FAM13A: variants seen among roughly 807,000 people sequenced by gnomAD.
The protein encoded by FAM13A is protein FAM13A.
FAM13A carries 76 observed loss-of-function variants against 129.6 expected under a neutral mutation model. The observed-to-expected ratio is 0.59, with a 90% CI of 0.49 to 0.71. The LOEUF is 0.71. Ranked by LOEUF, FAM13A falls within the 30% of genes least tolerant of loss-of-function variation. The pLI is 0.00. For synonymous variants in FAM13A, 443 were observed against 449.9 expected (o/e 0.98, Z 0.20); for missense variants, 1,108 against 1,249.3 (o/e 0.89, Z 1.70).
chr4:88,757,267 T>C (rs1743858861), intron 14 of FAM13A, among the ~76,000 whole-genome samples: 1 of 152,066 alleles, frequency 6.6e-6, no homozygotes, highest in Non-Finnish European at 1.5e-5. Flanking sequence ...ACAAACTGAG[T>C]CCATTTCAGG....
intron 1 of FAM13A, among the ~76,000 whole-genome samples, chr4:89,031,784 A>C (rs1476513206): frequency 6.6e-6 from 1 of 152,220 alleles, no homozygotes; most frequent in Non-Finnish European, 1.5e-5. Context: ...TATTCTCCAT[A>C]CATCTCTAAT....
chr4:88,997,794 C>T (rs1187361994), intron 3 of FAM13A, among the ~76,000 whole-genome samples: 1 of 152,140 alleles, frequency 6.6e-6, no homozygotes, highest in African/African-American at 2.4e-5. Flanking sequence ...ATGAGAAGGT[C>T]AACCATTAAG....
Position 88,732,015 on chromosome 4 carries a change from G to T in FAM13A, c.2830C>A (p.His944Asn). The change falls in exon 22 of 24, where the codon CAT becomes AAT. Residue 944 changes from histidine to asparagine, a missense_variant. This residue lies in a region of FAM13A where 529 missense variants were observed against 621.2 expected (regional missense o/e 0.85). Coordinates refer to ENST00000264344, the MANE Select transcript of FAM13A (RefSeq NM_014883.4). The part of the protein sequence containing the change: ...CSQDTGLSNL[H>N]AASIPELLEH... ...AAAATGACATACATTGAGGCAGCAT[G>T]GAGATTTGAAAGCCCTGTGTCCTGG... The T allele has an allele frequency of 6.2e-7, 1 of 1,611,158 alleles. No individual in the cohort carries two copies.
intron 1 of FAM13A, among the ~76,000 whole-genome samples, chr4:89,033,606 A>G (rs1227311982): frequency 6.6e-6 from 1 of 152,230 alleles, no homozygotes; most frequent in African/African-American, 2.4e-5. Flanking sequence ...AGTTATTTAC[A>G]TGTTTCATGG....
At chr4:88,893,291 C>G (rs1579153366) in intron 6 of FAM13A, among the ~76,000 whole-genome samples, 2 of 152,102 alleles carry the variant, frequency 1.3e-5, no homozygotes, top group Admixed American at 1.3e-4. Flanking sequence ...CACAAAGAAA[C>G]GAAAAGGTCC....
intron 11 of FAM13A, among the ~76,000 whole-genome samples, chr4:88,780,162 A>G (rs1722573235): frequency 6.6e-6 from 1 of 152,160 alleles, no homozygotes; most frequent in African/African-American, 2.4e-5. Flanking sequence ...TACTTCCAGA[A>G]ACAATGCATT....
intron 6 of FAM13A, among the ~76,000 whole-genome samples, chr4:88,873,696 G>A (rs1237257592): frequency 6.6e-5 from 10 of 152,060 alleles, no homozygotes; most frequent in Non-Finnish European, 1.0e-4. Context: ...ATTCACAGCC[G>A]AATTCTTCCA....
chr4:88,787,902 TA>T lies in FAM13A; in HGVS notation c.1121del (p.Val374GlufsTer71). On this transcript the variant is annotated frameshift_variant, in exon 10 of 24. Coordinates refer to ENST00000264344, the MANE Select transcript of FAM13A (RefSeq NM_014883.4). LOFTEE classifies it high-confidence loss of function. ...ELLERTIRSA[V>X]EQHLFDVNNS... ...TATTAACATCAAAAAGATGTTGTTC[TA>T]CAGCTGATCGGATGGTTCTTTCTAA... is the stretch of plus-strand genomic sequence containing the variant. The T allele has an allele frequency of 6.2e-7, 1 of 1,613,342 alleles. No individual in the cohort carries two copies. The highest frequency in any genetic ancestry group is 8.5e-7 in the Non-Finnish European group (1 of 1,179,568).
intron 6 of FAM13A, among the ~76,000 whole-genome samples, chr4:88,865,878 C>CT (rs34865210): frequency 0.047 from 3,908 of 83,628 alleles, 592 homozygotes; most frequent in African/African-American, 0.083. Context: ...TTGTCTCTCT[C>CT]TTTTTTTTTT....
At chr4:88,987,849 A>AAAAAAAAAAAAAAAC (rs1207687700) in intron 4 of FAM13A, among the ~76,000 whole-genome samples, 2 of 150,452 alleles carry the variant, frequency 1.3e-5, no homozygotes, top group South Asian at 2.1e-4. Context: ...AAAAAAAAAA[A>AAAAAAAAAAAAAAAC]AAAAAACTTA....
chr4:88,867,676 G>GATCTATCTT (rs1249476392), intron 6 of FAM13A, among the ~76,000 whole-genome samples: 1 of 152,162 alleles, frequency 6.6e-6, no homozygotes, highest in African/African-American at 2.4e-5. Flanking sequence ...TTTCAACATA[G>GATCTATCTT]ATCTATCTTA....
Position 88,726,819 on chromosome 4 carries a change from G to T in FAM13A, c.*1714C>A, listed in dbSNP as rs1048284400. The T allele has an allele frequency of 1.3e-5, 2 of 152,604 alleles. No individual in the cohort carries two copies. The highest frequency in any genetic ancestry group is 2.9e-5 in the Non-Finnish European group (2 of 68,030). 9.5% of individuals were successfully genotyped at this position (152,604 alleles called of 1,614,324 possible). ...TTTTTATGTACATTTAAACCTGTAG[G>T]ATTATGTACCGTCTTTGTGTATGGA... On this transcript the variant is annotated 3_prime_UTR_variant, in exon 24 of 24. Coordinates refer to ENST00000264344, the MANE Select transcript of FAM13A (RefSeq NM_014883.4).
chr4:88,947,151 G>C lies in FAM13A; in HGVS notation c.606-8910C>G, dbSNP rs531173712. ...CAACTGGGAGCAGTGGCTCATGCCT[G>C]TAATCCCAGCACTTTGAGAGGCTGA... is the stretch of plus-strand genomic sequence containing the variant. On this transcript the variant is annotated intron_variant, in intron 4 of 23. Transcript: ENST00000264344. Among the ~76,000 whole-genome samples, 5 of 152,284 alleles carry C rather than the reference G, an allele frequency of 3.3e-5. No homozygotes were observed. In the East Asian group the frequency reaches 9.7e-4, roughly 29 times the overall value.
chr4:88,934,311 T>G (rs1753516855), intron 5 of FAM13A, among the ~76,000 whole-genome samples: 1 of 152,182 alleles, frequency 6.6e-6, no homozygotes, highest in South Asian at 2.1e-4. Flanking sequence ...TCCATGAGAA[T>G]ATAAGAATCA....
Position 88,934,244 on chromosome 4 carries a change from C to T in FAM13A, c.759+3844G>A, listed in dbSNP as rs114451846. On this transcript the variant is annotated intron_variant, in intron 5 of 23. Coordinates refer to ENST00000264344, the MANE Select transcript of FAM13A (RefSeq NM_014883.4). ...TTATTTTACTTCACAGAATATATCA[C>T]CATCTGACATACTACATATTTTCTT... Among the ~76,000 whole-genome samples the T allele has an allele frequency of 6.5e-3, 982 of 152,246 alleles. 16 individuals carry two copies. Among genetic ancestry groups the T allele is most frequent in the African/African-American group, 0.023 (941 of 41,532 alleles).
intron 1 of FAM13A, among the ~76,000 whole-genome samples, chr4:89,034,417 A>G (rs982029464): frequency 4.6e-5 from 7 of 152,170 alleles, no homozygotes; most frequent in Non-Finnish European, 8.8e-5. Flanking sequence ...AAAAAGTCAA[A>G]AAACAACAGA....
At chr4:88,996,695 T>C (rs1320171307) in intron 3 of FAM13A, among the ~76,000 whole-genome samples, 1 of 152,050 alleles carries the variant, frequency 6.6e-6, no homozygotes, top group Admixed American at 6.5e-5. Context: ...TGATAGAGAT[T>C]ATAAATAAGA....
chr4:88,980,601 T>C (rs1051149192), intron 4 of FAM13A, among the ~76,000 whole-genome samples: 1 of 152,130 alleles, frequency 6.6e-6, no homozygotes, highest in Non-Finnish European at 1.5e-5. Context: ...ATAATTATGC[T>C]AAAAATTAAG....
At chr4:88,793,802 C>A (rs954275046) in intron 8 of FAM13A, among the ~76,000 whole-genome samples, 14 of 151,994 alleles carry the variant, frequency 9.2e-5, no homozygotes, top group Admixed American at 3.3e-4. Context: ...AGTTTTATGA[C>A]ATAGTATCAG....
Sources: gnomAD v4.1 joint callset for allele counts (sites outside exome capture counted in the v4.1 genomes callset) on GRCh38, gnomAD v4.1.1 for gene constraint, gnomAD v4.1.1 regional missense constraint, MANE v1.5 for transcripts, NCBI Gene and HGNC (gene_info 2026-07-23, HGNC 2026-07-21) for gene names.